Variants in PDHA1 observed in about 807,000 individuals in gnomAD.
PDHA1 encodes the protein pyruvate dehydrogenase E1 component subunit alpha, somatic form, mitochondrial.
PDHA1 carries 1 observed loss-of-function variant against 33.0 expected under a neutral mutation model. The ratio of observed to expected loss-of-function variants is 0.03; its 90% CI spans 0.01 to 0.14. PDHA1 has a LOEUF of 0.14. PDHA1 is among the 10% of genes least tolerant of loss of function. The pLI, the probability that PDHA1 is intolerant of heterozygous loss-of-function variation, is 1.00. For synonymous variants in PDHA1, 123 were observed against 119.2 expected (o/e 1.03, Z -0.21); for missense variants, 168 against 325.1 (o/e 0.52, Z 3.72).
intron 5 of PDHA1, among the ~76,000 whole-genome samples, chrX:19,353,855 A>G (rs2063178378): frequency 8.9e-6 from 1 of 112,007 alleles, no homozygotes; most frequent in South Asian, 3.7e-4. Flanking sequence ...TTAGTGAATG[A>G]TGAAGAATTA....
chrX:19,350,648 T>C (rs1033920392), intron 3 of PDHA1, among the ~76,000 whole-genome samples: 1 of 112,482 alleles, frequency 8.9e-6, no homozygotes, highest in African/African-American at 3.2e-5. Context: ...ACACATAACA[T>C]TGCCAGTTTT....
At position 19,359,709 on chromosome X, in the gene PDHA1, T is replaced by TTGGTTA. The variant is rs756298361; in HGVS notation, c.*57_*62dup. 11 of 1,072,066 alleles carry TTGGTTA rather than the reference T, an allele frequency of 1.0e-5. No homozygotes were observed. In the South Asian group the frequency reaches 2.1e-4, roughly 20 times the overall value. 88.4% of individuals were successfully genotyped at this position (1,072,066 alleles called of 1,213,427 possible). On this transcript the variant is annotated 3_prime_UTR_variant, in exon 11 of 11. Coordinates refer to ENST00000422285, the MANE Select transcript of PDHA1 (RefSeq NM_000284.4). The stretch of plus-strand genomic sequence containing the variant: ...GGGGCTACCAGACAGTGTTCTCAAC[T>TTGGTTA]TGGTTAAGGAGGAAGAAAACCCAGT...
At position 19,359,975 on chromosome X, in the gene PDHA1, G is replaced by C; in HGVS notation, c.*322G>C. ...CTTTTTGGGAGGAGACCATTATGGC[G>C]GGGCCCCTCACAGCATTCTACCAAC... On this transcript the variant is annotated 3_prime_UTR_variant, in exon 11 of 11. Transcript: ENST00000422285. The C allele has an allele frequency of 3.3e-6, 1 of 302,509 alleles. No individual in the cohort carries two copies. Among genetic ancestry groups the C allele is most frequent in the Non-Finnish European group, 6.0e-6 (1 of 166,760 alleles). 24.9% of individuals were successfully genotyped at this position (302,509 alleles called of 1,213,427 possible). A position where few individuals can be genotyped will look rare whatever the true frequency, so the allele number is the denominator to read the frequency against.
chrX:19,360,964 CCAG>C lies in PDHA1; in HGVS notation c.*1315_*1317del, dbSNP rs1291071314. On this transcript the variant is annotated 3_prime_UTR_variant, in exon 11 of 11. Transcript: ENST00000422285. ...CACATATGGAGGTGACGCTCGTGTC[CCAG>C]CAGTAGTAGGACATGGCCTTAGAGG... 2 of 474,964 alleles carry C rather than the reference CCAG, an allele frequency of 4.2e-6. No homozygotes were observed. Among genetic ancestry groups the C allele is most frequent in the Non-Finnish European group, 7.0e-6 (2 of 285,388 alleles). The allele number at this position is 474,964 out of a possible 1,213,427, so 39.1% of individuals were successfully genotyped here.
chrX:19,355,219 CTCGGT>C, intron 6 of PDHA1, 125 bp from the exon 7 acceptor site: 1 of 794,927 alleles, frequency 1.3e-6, no homozygotes, highest in South Asian at 2.1e-5. Flanking sequence ...CCACCCAAAG[CTCGGT>C]TTTAGAAGAG....
chrX:19,360,389 G>A lies in PDHA1; in HGVS notation c.*736G>A, dbSNP rs2063268278. The A allele has an allele frequency of 6.0e-6, 1 of 166,840 alleles. No homozygotes were observed. The highest frequency in any genetic ancestry group is 1.1e-5 in the Non-Finnish European group (1 of 89,231). 13.7% of individuals were successfully genotyped at this position (166,840 alleles called of 1,213,427 possible). A position where few individuals can be genotyped will look rare whatever the true frequency, so the allele number is the denominator to read the frequency against. The stretch of plus-strand genomic sequence containing the variant: ...TTTTTTTGAGACAGGGTCGGGCTCT[G>A]TTGCCCAGGCTGGAGTGCAGTGGTG... On this transcript the variant is annotated 3_prime_UTR_variant, in exon 11 of 11. Transcript: ENST00000422285.
Position 19,354,437 on chromosome X carries a change from G to A in PDHA1, c.511-54G>A, listed in dbSNP as rs181933291. On this transcript the variant is annotated intron_variant, in intron 5 of 10. Transcript: ENST00000422285. ...GAGTGAAAATGCAGGGCATTAATTA[G>A]TATCTCCCCTCATGGATTTCTGTGG... is the stretch of plus-strand genomic sequence containing the variant. The A allele has an allele frequency of 2.1e-3, 1,512 of 710,117 alleles. 4 individuals carry two copies. Among genetic ancestry groups the A allele is most frequent in the Non-Finnish European group, 1.9e-3 (824 of 439,956 alleles). 58.5% of individuals were successfully genotyped at this position (710,117 alleles called of 1,213,427 possible).
Position 19,352,748 on chromosome X carries a change from A to T in PDHA1, c.419-334A>T, listed in dbSNP as rs780298971. The T allele has an allele frequency of 1.7e-4, 50 of 296,943 alleles. No homozygotes were observed. The South Asian group carries it at 1.9e-3, about 11-fold the overall frequency. 24.5% of individuals were successfully genotyped at this position (296,943 alleles called of 1,213,427 possible). ...ACCTGTGCAGTTCAAACCCTGTTCA[A>T]GGATTGAATATATTTAGTGTACTAG... On this transcript the variant is annotated intron_variant, in intron 4 of 10. Coordinates refer to ENST00000422285, the MANE Select transcript of PDHA1 (RefSeq NM_000284.4).
Position 19,360,508 on chromosome X carries a change from T to TAATA in PDHA1, c.*856_*859dup, listed in dbSNP as rs2063269783. 3 of 297,155 alleles carry TAATA rather than the reference T, an allele frequency of 1.0e-5. No individual in the cohort carries two copies. The highest frequency in any genetic ancestry group is 1.8e-5 in the Non-Finnish European group (3 of 168,688). 24.5% of individuals were successfully genotyped at this position (297,155 alleles called of 1,213,427 possible). ...TAGCTGGGACTACAAGTGAATTTCC[T>TAATA]AATATTCCGGGAGGTCAAAACCAAG... On this transcript the variant is annotated 3_prime_UTR_variant, in exon 11 of 11. Coordinates refer to ENST00000422285, the MANE Select transcript of PDHA1 (RefSeq NM_000284.4).
intron 1 of PDHA1, among the ~76,000 whole-genome samples, chrX:19,345,572 TAAAAAAAAAAAAAAA>T (rs11318265): frequency 6.6e-5 from 2 of 30,270 alleles, no homozygotes; most frequent in African/African-American, 9.5e-5. Flanking sequence ...CTCCGTATTT[TAAAAAAAAAAAAAAA>T]AAAAAAAAAA....
intron 10 of PDHA1, 95 bp from the exon 11 acceptor site, chrX:19,359,394 A>G: frequency 2.9e-6 from 2 of 695,041 alleles, no homozygotes; most frequent in Non-Finnish European, 4.7e-6. Flanking sequence ...TTGTAGTTAA[A>G]GAGTTACACC....
chrX:19,347,040 G>A (rs2063139041), intron 1 of PDHA1, among the ~76,000 whole-genome samples: 1 of 110,043 alleles, frequency 9.1e-6, no homozygotes, highest in African/African-American at 3.3e-5. Flanking sequence ...TCAGGTGTGT[G>A]CCACCATACC....
Position 19,360,907 on chromosome X carries a change from T to C in PDHA1, c.*1254T>C. 2.6e-6 allele frequency: 2 copies of C among 769,394 alleles called. No individual in the cohort carries two copies. The highest frequency in any genetic ancestry group is 3.2e-5 in the East Asian group (1 of 31,072). The allele number at this position is 769,394 out of a possible 1,213,427, so 63.4% of individuals were successfully genotyped here. A position where few individuals can be genotyped will look rare whatever the true frequency, so the allele number is the denominator to read the frequency against. On this transcript the variant is annotated 3_prime_UTR_variant, in exon 11 of 11. Transcript: ENST00000422285. ...GAGCTTAAAACTGCAGTCCCTAATT[T>C]AAAAACCTAATGAAAATAAAAACAT... is the stretch of plus-strand genomic sequence containing the variant.
Position 19,343,954 on chromosome X carries a change from G to T in PDHA1, c.-84G>T. 1.1e-6 allele frequency: 1 copy of T among 875,399 alleles called. No individual in the cohort carries two copies. Among genetic ancestry groups the T allele is most frequent in the Non-Finnish European group, 1.7e-6 (1 of 597,598 alleles). The allele number at this position is 875,399 out of a possible 1,213,427, so 72.1% of individuals were successfully genotyped here. On this transcript the variant is annotated 5_prime_UTR_variant, in exon 1 of 11. Coordinates refer to ENST00000422285, the MANE Select transcript of PDHA1 (RefSeq NM_000284.4). ...TGCGACTGAGGCGTGGCGTCTGCTG[G>T]GGCACCTGAAGGAGACTTGGGGGCA...
At position 19,361,585 on chromosome X, in the gene PDHA1, C is replaced by T; in HGVS notation, c.*1932C>T. 1 of 1,186,942 alleles carries T rather than the reference C, an allele frequency of 8.4e-7. No individual in the cohort carries two copies. Among genetic ancestry groups the T allele is most frequent in the Non-Finnish European group, 1.1e-6 (1 of 875,051 alleles). The stretch of plus-strand genomic sequence containing the variant: ...TGCCCGTAGGGGCCTGCTGGGTTCT[C>T]TGTAATACCTGTAACGATTGGCAAT... On this transcript the variant is annotated 3_prime_UTR_variant, in exon 11 of 11. Coordinates refer to ENST00000422285, the MANE Select transcript of PDHA1 (RefSeq NM_000284.4).
At chrX:19,359,405 A>AGCAACAGGTCC (rs2063241928) in intron 10 of PDHA1, 84 bp from the exon 11 acceptor site, 5 of 786,967 alleles carry the variant, frequency 6.4e-6, no homozygotes, top group Middle Eastern at 5.7e-4. Context: ...GAGTTACACC[A>AGCAACAGGTCC]GCAACAGGTC....
In PDHA1 at chrX:19,349,318, A is replaced by G. The variant is rs763398358; in HGVS notation, c.64A>G (p.Arg22Gly). 3 of 1,176,288 alleles carry G rather than the reference A, an allele frequency of 2.6e-6. No individual in the cohort carries two copies. The South Asian group carries it at 5.4e-5, about 21-fold the overall frequency. ...LSGASQKPASRVLVASRNFAN... is the reference protein window; with the variant it reads ...LSGASQKPASGVLVASRNFAN... ...TATATTTTTGTCTTTTAAGGCAAGC[A>G]GAGTGCTGGTAGCATCCCGTAATTT... The change falls in exon 2 of 11, where the codon AGA becomes GGA. Residue 22 changes from arginine (R) to glycine (G), a missense_variant. Coordinates refer to ENST00000422285, the MANE Select transcript of PDHA1 (RefSeq NM_000284.4).
intron 1 of PDHA1, chrX:19,345,745 T>TC (rs745880160): frequency 0.021 from 4,358 of 204,140 alleles, 327 homozygotes; most frequent in African/African-American, 0.1. Flanking sequence ...GTTTGCAGGG[T>TC]CCCCCCCCCC....
chrX:19,349,804 T>C lies in PDHA1; in HGVS notation c.118-133T>C, dbSNP rs1291169262. 6 of 524,958 alleles carry C rather than the reference T, an allele frequency of 1.1e-5. No individual in the cohort carries two copies. The East Asian group carries it at 1.4e-4, about 12-fold the overall frequency. The allele number at this position is 524,958 out of a possible 1,213,427, so 43.3% of individuals were successfully genotyped here. A position where few individuals can be genotyped will look rare whatever the true frequency, so the allele number is the denominator to read the frequency against. ...ATGGATTTAAGGAACAGAGGCGATATGAAGCATTACTGATGTGCTCCTTTG... is the reference window on the plus strand; with the variant it reads ...ATGGATTTAAGGAACAGAGGCGATACGAAGCATTACTGATGTGCTCCTTTG... On this transcript the variant is annotated intron_variant, in intron 2 of 10. Transcript: ENST00000422285.
Sources: gnomAD v4.1 joint callset for allele counts (sites outside exome capture counted in the v4.1 genomes callset) on GRCh38, gnomAD v4.1.1 for gene constraint, MANE v1.5 for transcripts, NCBI Gene and HGNC (gene_info 2026-07-23, HGNC 2026-07-21) for gene names.